The following ERAP1 variants were observed in gnomAD, a reference collection of about 807,000 sequenced individuals.
ERAP1 encodes the protein endoplasmic reticulum aminopeptidase 1, also known as adipocyte-derived leucine aminopeptidase.
In ERAP1, 86 loss-of-function variants were observed where a neutral mutation model predicts 103.7. The ratio of observed to expected loss-of-function variants is 0.83; its 90% CI spans 0.70 to 0.99. The LOEUF (loss-of-function observed/expected upper bound fraction) is 0.99. Among genes scored for constraint, ERAP1 ranks in the 50% least tolerant of loss-of-function variants. ERAP1 has a pLI of 0.00. For missense variants in ERAP1, 1,009 were observed against 1,128.4 expected (o/e 0.89, Z 1.52); for synonymous variants, 398 against 402.4 (o/e 0.99, Z 0.13).
At chr5:96,806,888 C>T (rs960123334) in intron 1 of ERAP1, among the ~76,000 whole-genome samples, 14 of 150,158 alleles carry the variant, frequency 9.3e-5, no homozygotes, top group Non-Finnish European at 2.1e-4. Context: ...CTATTCAGGC[C>T]GCACCTGAAA....
At chr5:96,821,334 T>C in the ERAP1 span, among the ~76,000 whole-genome samples, 1 of 152,214 alleles carries the variant, frequency 6.6e-6, no homozygotes, top group Non-Finnish European at 1.5e-5. Flanking sequence ...AGATGACATA[T>C]AAAATTAACC....
At chr5:96,798,870 C>CTTTTTTT (rs1561283595) in intron 3 of ERAP1, among the ~76,000 whole-genome samples, 5 of 58,082 alleles carry the variant, frequency 8.6e-5, no homozygotes, top group Non-Finnish European at 1.3e-4. Context: ...ACAAAAATTT[C>CTTTTTTT]CTTTTTTTTT....
chr5:96,771,139 C>T (rs568026352), downstream of ERAP1, among the ~76,000 whole-genome samples: 4 of 152,282 alleles, frequency 2.6e-5, no homozygotes, highest in African/African-American at 9.6e-5. Flanking sequence ...AGTAGATTCC[C>T]TTAAGGGATA....
chr5:96,899,380 G>A, the ERAP1 span, among the ~76,000 whole-genome samples: 2 of 152,096 alleles, frequency 1.3e-5, no homozygotes, highest in African/African-American at 4.8e-5. Context: ...ATAAATTACT[G>A]AAAATATCTT....
At chr5:96,814,622 T>G in the ERAP1 span, among the ~76,000 whole-genome samples, 2 of 152,188 alleles carry the variant, frequency 1.3e-5, no homozygotes, top group African/African-American at 4.8e-5. Flanking sequence ...AAATCAATGA[T>G]AGCTTTTTTC....
the ERAP1 span, among the ~76,000 whole-genome samples, chr5:96,819,615 C>T: frequency 0.81 from 123,980 of 152,140 alleles, 50,955 homozygotes; most frequent in Non-Finnish European, 0.86. Context: ...CTTGTTATAC[C>T]GTAAGTTTGA....
intron 3 of ERAP1, among the ~76,000 whole-genome samples, chr5:96,798,960 A>T (rs192602003): frequency 7.0e-6 from 1 of 142,098 alleles, no homozygotes; most frequent in Admixed American, 7.5e-5. Flanking sequence ...CTCCACCTCC[A>T]GAGTTCAAGC....
At chr5:96,865,276 T>C in the ERAP1 span, among the ~76,000 whole-genome samples, 1 of 152,174 alleles carries the variant, frequency 6.6e-6, no homozygotes, top group Non-Finnish European at 1.5e-5. Context: ...AAAAATGTGA[T>C]TAAAGTACCC....
At chr5:96,823,138 G>A in the ERAP1 span, 1 of 456,270 alleles carries the variant, frequency 2.2e-6, no homozygotes, top group Non-Finnish European at 4.4e-6. Context: ...AAGGAAGCAA[G>A]GGAGACAGAG....
chr5:96,909,587 T>A, the ERAP1 span: 2 of 1,613,564 alleles, frequency 1.2e-6, no homozygotes, highest in East Asian at 4.5e-5. Flanking sequence ...CAGCGTTACC[T>A]TCTTCAGTAT....
At chr5:96,854,092 C>A in the ERAP1 span, among the ~76,000 whole-genome samples, 1 of 152,026 alleles carries the variant, frequency 6.6e-6, no homozygotes, top group Non-Finnish European at 1.5e-5. Flanking sequence ...GCCTTCCCTC[C>A]CAAATCTTGA....
At chr5:96,808,052 G>A (rs1778866300), upstream of ERAP1, 2 of 985,552 alleles carry the variant, frequency 2.0e-6, no homozygotes, top group Non-Finnish European at 2.4e-6. Context: ...AGGGTAAACG[G>A]GAGTGGGGCC....
rs778631686 is a variant in ERAP1 at position 96,803,766 on chromosome 5, A to G, written c.161T>C (p.Leu54Pro). 2.5e-6 allele frequency: 4 copies of G among 1,614,212 alleles called. No individual in the cohort carries two copies. The East Asian group carries it at 8.9e-5, about 36-fold the overall frequency. Residue 54 changes from leucine to proline, a missense_variant, in exon 2 of 19, where the codon CTT becomes CCT. Leu to Pro is a moderately conservative substitution (Grantham distance 98). Transcript: ENST00000443439. ...ATGAACTGGGATGACGTACTCAGGA[A>G]GTCGTATTTTATTCCAAGGAAATGG... ...GTPFPWNKIR[L>P]PEYVIPVHYD... is the part of the protein sequence containing the mutation.
At chr5:96,784,393 G>A (rs183271105) in intron 13 of ERAP1, among the ~76,000 whole-genome samples, 83 of 152,250 alleles carry the variant, frequency 5.5e-4, no homozygotes, top group African/African-American at 1.6e-3. Context: ...GGCTGAGGCC[G>A]GAGAATCACT....
the ERAP1 span, chr5:96,896,714 T>C: frequency 6.4e-7 from 1 of 1,557,102 alleles, no homozygotes; most frequent in Non-Finnish European, 8.6e-7. Context: ...TTTTCAACTC[T>C]TTTGTTTTTT....
the ERAP1 span, among the ~76,000 whole-genome samples, chr5:96,916,683 T>A: frequency 2.0e-5 from 3 of 151,750 alleles, no homozygotes; most frequent in Non-Finnish European, 4.4e-5. Context: ...TTAGCCAGGG[T>A]GGTCTCGATC....
Position 96,783,215 on chromosome 5 carries a change from T to C in ERAP1, c.2121A>G (p.Leu707=). 4 of 1,612,144 alleles carry C rather than the reference T, an allele frequency of 2.5e-6. No individual in the cohort carries two copies. Among genetic ancestry groups the C allele is most frequent in the Non-Finnish European group, 3.4e-6 (4 of 1,178,240 alleles). ...TQFKAFLIRL[L]RDLIDKQTWT... ...ATGTCTGCTTATCAATGAGGTCCCT[T>C]AGCAGCCTGATGAGGAAGGCCTGAG... is the stretch of plus-strand genomic sequence containing the variant. Residue 707 remains leucine, a synonymous_variant, in exon 15 of 19, where the codon CTA becomes CTG. Coordinates refer to ENST00000443439, the MANE Select transcript of ERAP1 (RefSeq NM_001040458.3).
At chr5:96,773,779 G>T (rs764740767), downstream of ERAP1, 4 of 152,276 alleles carry the variant, frequency 2.6e-5, no homozygotes, top group Non-Finnish European at 5.9e-5. Context: ...TCCTGGTAGA[G>T]AATGCAGGAA....
downstream of ERAP1, chr5:96,771,932 C>A: frequency 2.8e-6 from 1 of 353,176 alleles, no homozygotes. Flanking sequence ...TAATTAAAAG[C>A]TTTTAAAAAT....
Sources: allele counts gnomAD v4.1 joint callset (sites outside exome capture counted in the v4.1 genomes callset), GRCh38; gene constraint gnomAD v4.1.1; transcripts MANE v1.5; gene names NCBI Gene and HGNC (gene_info 2026-07-23, HGNC 2026-07-21).